ST18: variants seen among roughly 807,000 people sequenced by gnomAD.
The protein encoded by ST18 is suppression of tumorigenicity 18 protein.
ST18 carries 50 observed loss-of-function variants against 110.0 expected under a neutral mutation model. The observed-to-expected ratio is 0.45, with a 90% confidence interval of 0.36 to 0.58. The LOEUF (loss-of-function observed/expected upper bound fraction) is 0.58. Among genes scored for constraint, ST18 ranks in the 20% least tolerant of loss-of-function variants. ST18 has a pLI of 0.00. For synonymous variants in ST18, 461 were observed against 452.4 expected (o/e 1.02, Z -0.24); for missense variants, 1,306 against 1,280.1 (o/e 1.02, Z -0.31).
intron 22 of ST18, among the ~76,000 whole-genome samples, chr8:52,129,511 A>G (rs1033904940): frequency 6.6e-6 from 1 of 151,656 alleles, no homozygotes; most frequent in Admixed American, 6.6e-5. Context: ...AGAGCATTCC[A>G]CCTTAAAGAG....
rs1281587912 is a variant in ST18, at chr8:52,112,226, A to T, written c.*972T>A. The T allele has an allele frequency of 1.3e-5, 2 of 152,642 alleles. No homozygotes were observed. The highest frequency in any genetic ancestry group is 3.9e-4 in the East Asian group (2 of 5,184). The allele number at this position is 152,642 out of a possible 1,614,324, so 9.5% of individuals were successfully genotyped here. A position where few individuals can be genotyped will look rare whatever the true frequency, so the allele number is the denominator to read the frequency against. ...GGATATGGTATCTACAAAATTTTTCATTTGGATGTGTTTGTATTTGCTAAG... is the reference window on the plus strand; with the variant it reads ...GGATATGGTATCTACAAAATTTTTCTTTTGGATGTGTTTGTATTTGCTAAG... On this transcript the variant is annotated 3_prime_UTR_variant, in exon 26 of 26. Coordinates refer to ENST00000689386, the MANE Select transcript of ST18 (RefSeq NM_001352837.2).
At chr8:52,183,018 T>C (rs920710998) in intron 8 of ST18, among the ~76,000 whole-genome samples, 2 of 152,180 alleles carry the variant, frequency 1.3e-5, no homozygotes, top group South Asian at 2.1e-4. Flanking sequence ...AATTTACTTA[T>C]AAAAACGAAT....
In ST18 at chr8:52,181,938, C is replaced by T. The variant is rs183265330; in HGVS notation, c.87-1626G>A. On this transcript the variant is annotated intron_variant, in intron 8 of 25. Coordinates refer to ENST00000689386, the MANE Select transcript of ST18 (RefSeq NM_001352837.2). Reference sequence around the variant, plus strand: ...GGGGCATAGAGTTCCTAGAGAAACTCTAGGAACCTCTTGAACCTCCTGAAG... The same window carrying T: ...GGGGCATAGAGTTCCTAGAGAAACTTTAGGAACCTCTTGAACCTCCTGAAG... Among the ~76,000 whole-genome samples, 26 of 152,118 alleles carry T rather than the reference C, an allele frequency of 1.7e-4. No homozygotes were observed. In the East Asian group the frequency reaches 4.8e-3, roughly 28 times the overall value.
At chr8:52,323,922 T>G (rs1275792125) in intron 2 of ST18, among the ~76,000 whole-genome samples, 1 of 152,200 alleles carries the variant, frequency 6.6e-6, no homozygotes, top group Non-Finnish European at 1.5e-5. Flanking sequence ...TGTCTAAGGT[T>G]TTGGTAACCT....
chr8:52,180,339 T>C (rs777252797), intron 8 of ST18, 27 bp from the exon 9 acceptor site: 1 of 1,610,730 alleles, frequency 6.2e-7, no homozygotes, highest in Non-Finnish European at 8.5e-7. Context: ...AAATTAAGAA[T>C]ATGGTAAATT....
chr8:52,178,624 A>AAAAAAAAAAC (rs2067899276), intron 9 of ST18, among the ~76,000 whole-genome samples: 2 of 126,718 alleles, frequency 1.6e-5, no homozygotes, highest in African/African-American at 7.5e-5. Context: ...CAAAAAAAAA[A>AAAAAAAAAAC]AAAAAAAAAA....
At chr8:52,141,958 A>G (rs551276577) in intron 17 of ST18, among the ~76,000 whole-genome samples, 31 of 152,300 alleles carry the variant, frequency 2.0e-4, no homozygotes, top group African/African-American at 7.0e-4. Context: ...AAGGCTACAC[A>G]TGAGTCTAGA....
chr8:52,202,871 A>C (rs187529273), intron 8 of ST18, among the ~76,000 whole-genome samples: 2 of 152,298 alleles, frequency 1.3e-5, no homozygotes, highest in Non-Finnish European at 2.9e-5. Flanking sequence ...AGGGGGATAA[A>C]AGTGATTTTC....
intron 2 of ST18, among the ~76,000 whole-genome samples, chr8:52,268,235 A>T (rs527989091): frequency 6.6e-6 from 1 of 152,318 alleles, no homozygotes; most frequent in East Asian, 1.9e-4. Flanking sequence ...CTATTCAAAG[A>T]GTTGTCTGCA....
chr8:52,231,083 T>C (rs745887719), intron 2 of ST18, among the ~76,000 whole-genome samples: 1 of 152,174 alleles, frequency 6.6e-6, no homozygotes, highest in Non-Finnish European at 1.5e-5. Flanking sequence ...ACAAAAAAAG[T>C]TGGACTTGAA....
At chr8:52,259,576 A>AATG (rs559772271) in intron 2 of ST18, among the ~76,000 whole-genome samples, 23 of 152,122 alleles carry the variant, frequency 1.5e-4, no homozygotes, top group Middle Eastern at 3.4e-3. Context: ...TCCCTGTTAT[A>AATG]ATGATGATGA....
At chr8:52,359,693 A>G (rs972894360) in intron 2 of ST18, among the ~76,000 whole-genome samples, 5 of 152,152 alleles carry the variant, frequency 3.3e-5, no homozygotes, top group Admixed American at 3.3e-4. Context: ...TAATCCAAAG[A>G]GTCTAACTTC....
intron 2 of ST18, among the ~76,000 whole-genome samples, chr8:52,280,832 AGTC>A: frequency 6.6e-6 from 1 of 152,236 alleles, no homozygotes; most frequent in South Asian, 2.1e-4. Context: ...ATCAGACAAA[AGTC>A]AGTGAGGCTG....
intron 2 of ST18, among the ~76,000 whole-genome samples, chr8:52,385,008 C>T (rs1172060803): frequency 1.3e-5 from 2 of 152,170 alleles, no homozygotes; most frequent in African/African-American, 2.4e-5. Context: ...AATAATAGTA[C>T]CTTACATTGA....
intron 2 of ST18, among the ~76,000 whole-genome samples, chr8:52,270,714 T>G (rs1411799565): frequency 1.3e-5 from 2 of 152,074 alleles, no homozygotes; most frequent in Non-Finnish European, 1.5e-5. Context: ...GGTAAGTGGT[T>G]GTTTGGGGGT....
intron 25 of ST18, among the ~76,000 whole-genome samples, chr8:52,115,989 G>A (rs1234576219): frequency 6.6e-6 from 1 of 152,016 alleles, no homozygotes; most frequent in Non-Finnish European, 1.5e-5. Context: ...AGGGAGTTTT[G>A]CCCTTCAACT....
At chr8:52,355,340 G>A (rs1822196840) in intron 2 of ST18, among the ~76,000 whole-genome samples, 1 of 152,216 alleles carries the variant, frequency 6.6e-6, no homozygotes, top group Non-Finnish European at 1.5e-5. Flanking sequence ...CGGGGCCTGT[G>A]TGGGCCTCCT....
rs2043610072 is a variant in ST18, at chr8:52,119,022, G to A, written c.2756-581C>T. On this transcript the variant is annotated intron_variant, in intron 23 of 25. Coordinates refer to ENST00000689386, the MANE Select transcript of ST18 (RefSeq NM_001352837.2). ...CTGCTGGCAGGTGAATTAGTGTCCA[G>A]AAACACATTGGCATAGTCTTCCACG... Among the ~76,000 whole-genome samples, 3 of 152,176 alleles carry A rather than the reference G, an allele frequency of 2.0e-5. No homozygotes were observed. The South Asian group carries it at 6.2e-4, about 32-fold the overall frequency.
At chr8:52,137,085 G>A (rs2052726281) in intron 18 of ST18, among the ~76,000 whole-genome samples, 3 of 152,138 alleles carry the variant, frequency 2.0e-5, no homozygotes, top group South Asian at 2.1e-4. Flanking sequence ...TATTTGCCCA[G>A]GATTGAGGGT....
Sources: allele counts gnomAD v4.1 joint callset (sites outside exome capture counted in the v4.1 genomes callset), GRCh38; gene constraint gnomAD v4.1.1; transcripts MANE v1.5; gene names NCBI Gene and HGNC (gene_info 2026-07-23, HGNC 2026-07-21).